Variants in MLKL observed in about 807,000 individuals in gnomAD.
MLKL encodes the protein mixed lineage kinase domain-like protein.
In MLKL, 55 loss-of-function variants were observed where a neutral mutation model predicts 56.5. That is an observed-to-expected ratio of 0.97 (90% CI 0.78 to 1.22). MLKL has a LOEUF of 1.22. Ranked by LOEUF, MLKL falls within the 50% of genes most tolerant of loss-of-function variation. The pLI, the probability that MLKL is intolerant of heterozygous loss-of-function variation, is 0.00. For synonymous variants in MLKL, 251 were observed against 208.3 expected, an observed-to-expected ratio of 1.20 and a Z score of -1.76; for missense variants, 694 against 573.9, an observed-to-expected ratio of 1.21 and a Z score of -2.14.
intron 10 of MLKL, among the ~76,000 whole-genome samples, chr16:74,673,597 G>C (rs1429789632): frequency 6.6e-6 from 1 of 152,040 alleles, no homozygotes; most frequent in African/African-American, 2.4e-5. Flanking sequence ...CTTCCAGGGA[G>C]GGAGACAGTG....
chr16:74,680,170 G>A (rs1959854934), intron 6 of MLKL, among the ~76,000 whole-genome samples: 1 of 152,178 alleles, frequency 6.6e-6, no homozygotes, highest in Non-Finnish European at 1.5e-5. Flanking sequence ...GAAGATTGCA[G>A]CTGTGAACTT....
intron 6 of MLKL, among the ~76,000 whole-genome samples, chr16:74,681,633 A>G (rs1344828691): frequency 2.0e-5 from 3 of 151,922 alleles, no homozygotes; most frequent in African/African-American, 7.3e-5. Context: ...CTCTAATAAA[A>G]ATACAAAAAA....
At position 74,691,278 on chromosome 16, in the gene MLKL, C is replaced by G. The variant is rs1960656025; in HGVS notation, c.721G>C (p.Ala241Pro). Reference sequence around the variant, plus strand: ...AGAGAACCACACAAAACAACTTACGCAATGCTGCCAGCCTGGAGTTTTTTG... The same window carrying G: ...AGAGAACCACACAAAACAACTTACGGAATGCTGCCAGCCTGGAGTTTTTTG... The part of the protein sequence containing the change: ...VFKKLQAGSI[A>P]IVRQTFNKEI... The change falls in exon 4 of 11, where the codon GCA (alanine) becomes CCA (proline). Residue 241 changes from alanine to proline, a missense_variant and splice_region_variant. Transcript: ENST00000308807. 3 of 1,608,740 alleles carry G rather than the reference C, an allele frequency of 1.9e-6. No homozygotes were observed. The highest frequency in any genetic ancestry group is 1.3e-5 in the African/African-American group (1 of 74,450).
At chr16:74,672,640 T>C in intron 10 of MLKL, 102 bp from the exon 11 acceptor site, 8 of 1,073,852 alleles carry the variant, frequency 7.4e-6, no homozygotes, top group Non-Finnish European at 1.1e-5. Context: ...AGAAACTGCA[T>C]TCCCCCTGGT....
chr16:74,689,877 C>T (rs1443519692), intron 4 of MLKL, among the ~76,000 whole-genome samples: 1 of 152,122 alleles, frequency 6.6e-6, no homozygotes, highest in East Asian at 1.9e-4. Context: ...ACGTCACATA[C>T]AAAGGTGGAT....
intron 1 of MLKL, among the ~76,000 whole-genome samples, chr16:74,700,240 C>T (rs1253501883): frequency 6.6e-6 from 1 of 152,142 alleles, no homozygotes; most frequent in South Asian, 2.1e-4. Context: ...CTCCACGACC[C>T]CCACTGCTAC....
At chr16:74,679,622 A>G (rs1959814045) in intron 6 of MLKL, among the ~76,000 whole-genome samples, 1 of 152,202 alleles carries the variant, frequency 6.6e-6, no homozygotes, top group Non-Finnish European at 1.5e-5. Flanking sequence ...AGCTTCGCCA[A>G]CATGGTGAAA....
intron 1 of MLKL, among the ~76,000 whole-genome samples, chr16:74,697,795 G>A (rs1015214641): frequency 1.3e-5 from 2 of 151,460 alleles, no homozygotes; most frequent in Non-Finnish European, 2.9e-5. Flanking sequence ...CTCCAGCCAG[G>A]GAAACAGAGA....
chr16:74,680,226 T>C (rs1959860000), intron 6 of MLKL, among the ~76,000 whole-genome samples: 1 of 152,162 alleles, frequency 6.6e-6, no homozygotes, highest in South Asian at 2.1e-4. Flanking sequence ...ATAGAGCTGG[T>C]AAAAAGGATC....
At chr16:74,686,042 C>A (rs1414219349) in intron 4 of MLKL, among the ~76,000 whole-genome samples, 1 of 151,754 alleles carries the variant, frequency 6.6e-6, no homozygotes, top group Non-Finnish European at 1.5e-5. Context: ...TCACTGCAGC[C>A]TCCACCTCCC....
intron 7 of MLKL, 48 bp from the exon 8 acceptor site, chr16:74,675,812 AG>A (rs1456150156): frequency 5.7e-6 from 9 of 1,590,362 alleles, no homozygotes; most frequent in Non-Finnish European, 7.7e-6. Context: ...TCTTGGGTAG[AG>A]GAGTAAAGGG....
intron 4 of MLKL, among the ~76,000 whole-genome samples, chr16:74,689,999 T>A (rs1393085106): frequency 6.6e-6 from 1 of 152,072 alleles, no homozygotes; most frequent in African/African-American, 2.4e-5. Context: ...AGAGCACAAA[T>A]AAAAAGCTTG....
intron 1 of MLKL, among the ~76,000 whole-genome samples, chr16:74,697,755 G>T (rs1055661267): frequency 6.6e-6 from 1 of 152,044 alleles, no homozygotes; most frequent in Non-Finnish European, 1.5e-5. Flanking sequence ...GGAGGTTGAG[G>T]CTGCAGTGAG....
intron 1 of MLKL, among the ~76,000 whole-genome samples, chr16:74,696,086 T>C (rs1214562888): frequency 6.6e-6 from 1 of 152,170 alleles, no homozygotes; most frequent in Non-Finnish European, 1.5e-5. Context: ...CTGTGCCGCC[T>C]CCTCACACTC....
chr16:74,691,256 G>A, intron 4 of MLKL, 21 bp downstream of exon 4: 1 of 1,595,290 alleles, frequency 6.3e-7, no homozygotes, highest in Non-Finnish European at 8.5e-7. Context: ...ACACACGAGA[G>A]AACCACACAA....
At chr16:74,688,672 C>G (rs1441805308) in intron 4 of MLKL, among the ~76,000 whole-genome samples, 1 of 152,110 alleles carries the variant, frequency 6.6e-6, no homozygotes, top group Non-Finnish European at 1.5e-5. Flanking sequence ...GATATCACAC[C>G]ACTACACTCC....
intron 1 of MLKL, among the ~76,000 whole-genome samples, chr16:74,697,708 A>G (rs1204643468): frequency 1.3e-5 from 2 of 151,992 alleles, no homozygotes; most frequent in African/African-American, 2.4e-5. Flanking sequence ...AGTCCCAGCT[A>G]CTCAGGAGGC....
At chr16:74,686,732 G>A (rs112079477) in intron 4 of MLKL, among the ~76,000 whole-genome samples, 8 of 152,330 alleles carry the variant, frequency 5.3e-5, no homozygotes, top group African/African-American at 1.9e-4. Flanking sequence ...TTCACTCTGA[G>A]TCTTAGACTC....
chr16:74,675,555 T>C lies in MLKL; in HGVS notation c.1190+58A>G. ...TTAGGTGGTCCTTGGAGGAGTTTGATTTGGGTTTTCCTATTATGCACATCT... is the reference window on the plus strand; with the variant it reads ...TTAGGTGGTCCTTGGAGGAGTTTGACTTGGGTTTTCCTATTATGCACATCT... On this transcript the variant is annotated intron_variant, in intron 8 of 10. Coordinates refer to ENST00000308807, the MANE Select transcript of MLKL (RefSeq NM_152649.4). The C allele has an allele frequency of 1.9e-6, 3 of 1,585,072 alleles. No homozygotes were observed. The South Asian group carries it at 3.4e-5, about 18-fold the overall frequency.
Sources: gnomAD v4.1 joint callset for allele counts (sites outside exome capture counted in the v4.1 genomes callset) on GRCh38, gnomAD v4.1.1 for gene constraint, MANE v1.5 for transcripts, NCBI Gene and HGNC (gene_info 2026-07-23, HGNC 2026-07-21) for gene names.